Variants in SUGCT observed in about 807,000 individuals in gnomAD.
The protein encoded by SUGCT is succinyl-CoA:glutarate-CoA transferase, also known as succinyl-CoA:glutarate CoA-transferase.
SUGCT carries 41 observed loss-of-function variants against 55.0 expected under a neutral mutation model. The ratio of observed to expected loss-of-function variants is 0.74; its 90% CI spans 0.58 to 0.97. The LOEUF (loss-of-function observed/expected upper bound fraction) is 0.97. Ranked by LOEUF, SUGCT falls within the 50% of genes least tolerant of loss-of-function variation. The pLI, the probability that SUGCT is intolerant of heterozygous loss-of-function variation, is 0.00. For missense variants in SUGCT, 568 were observed against 547.8 expected (o/e 1.04, Z -0.37); for synonymous variants, 187 against 200.4 (o/e 0.93, Z 0.56).
intron 1 of SUGCT, among the ~76,000 whole-genome samples, chr7:40,178,708 C>G (rs1187594353): frequency 6.6e-6 from 1 of 152,090 alleles, no homozygotes; most frequent in African/African-American, 2.4e-5. Flanking sequence ...ACAATGATGT[C>G]TTGGTGTGCT....
At chr7:40,564,127 A>T (rs1282909549) in intron 12 of SUGCT, among the ~76,000 whole-genome samples, 4 of 152,214 alleles carry the variant, frequency 2.6e-5, no homozygotes, top group Admixed American at 6.5e-5. Flanking sequence ...TAATCCCAGC[A>T]CTTTGGGAGG....
chr7:40,378,484 T>C (rs1475737107), intron 9 of SUGCT, among the ~76,000 whole-genome samples: 3 of 152,222 alleles, frequency 2.0e-5, no homozygotes, highest in Non-Finnish European at 4.4e-5. Context: ...ATACCTTTTT[T>C]TCTTTTCAGA....
the SUGCT span, among the ~76,000 whole-genome samples, chr7:40,908,099 C>T: frequency 6.6e-6 from 1 of 151,792 alleles, no homozygotes; most frequent in Non-Finnish European, 1.5e-5. Flanking sequence ...ATGGACCGGC[C>T]GGGTGCGGTG....
intron 12 of SUGCT, among the ~76,000 whole-genome samples, chr7:40,515,762 A>G (rs1324063323): frequency 6.6e-6 from 1 of 152,238 alleles, no homozygotes; most frequent in East Asian, 1.9e-4. Flanking sequence ...TACTATGAAT[A>G]GTATGTCTAT....
chr7:40,566,006 C>T (rs1443514669), intron 12 of SUGCT, among the ~76,000 whole-genome samples: 1 of 149,104 alleles, frequency 6.7e-6, no homozygotes, highest in Admixed American at 6.7e-5. Flanking sequence ...CACACACACA[C>T]ACACACACAC....
rs1246512154 is a variant in SUGCT at position 40,364,611 on chromosome 7, ATTCTT to A, written c.816+47763_816+47767del. Among the ~76,000 whole-genome samples, 4 of 152,126 alleles carry A rather than the reference ATTCTT, an allele frequency of 2.6e-5. No individual in the cohort carries two copies. In the East Asian group the frequency reaches 7.7e-4, roughly 29 times the overall value. On this transcript the variant is annotated intron_variant, in intron 9 of 13. Coordinates refer to ENST00000335693, the MANE Select transcript of SUGCT (RefSeq NM_001193313.2). ...GTGGATATGAAATTCTGGGTTGAAA[ATTCTT>A]TTCTTTAAGAATGTTGAATATTGGC...
chr7:40,895,327 G>A, the SUGCT span, among the ~76,000 whole-genome samples: 2 of 151,988 alleles, frequency 1.3e-5, no homozygotes, highest in South Asian at 4.2e-4. Context: ...GAGGGTGGGA[G>A]GAGGGAGAGG....
intron 9 of SUGCT, among the ~76,000 whole-genome samples, chr7:40,431,692 T>A (rs535781370): frequency 5.4e-4 from 83 of 152,330 alleles, no homozygotes; most frequent in African/African-American, 1.9e-3. Context: ...TTGTTTTTCA[T>A]GTTATTGTAA....
intron 10 of SUGCT, among the ~76,000 whole-genome samples, chr7:40,453,338 G>C (rs1281128413): frequency 6.6e-6 from 1 of 152,184 alleles, no homozygotes; most frequent in African/African-American, 2.4e-5. Flanking sequence ...CCATGCTGGG[G>C]AGTGGGATAA....
intron 13 of SUGCT, among the ~76,000 whole-genome samples, chr7:40,768,768 A>C (rs1420715168): frequency 5.9e-5 from 9 of 152,166 alleles, no homozygotes; most frequent in Admixed American, 5.9e-4. Context: ...TAAAACACTT[A>C]ATTTGTTTAT....
intron 12 of SUGCT, among the ~76,000 whole-genome samples, chr7:40,546,174 G>T (rs575057596): frequency 2.0e-5 from 3 of 152,294 alleles, no homozygotes; most frequent in African/African-American, 7.2e-5. Context: ...AATGGGAAAA[G>T]AATTCACACG....
chr7:40,991,578 G>T, the SUGCT span, among the ~76,000 whole-genome samples: 1 of 152,152 alleles, frequency 6.6e-6, no homozygotes, highest in South Asian at 2.1e-4. Context: ...ATAAAGTGAA[G>T]TATGCCTCTA....
chr7:40,213,788 T>C (rs1787475872), intron 6 of SUGCT, among the ~76,000 whole-genome samples: 2 of 152,216 alleles, frequency 1.3e-5, no homozygotes, highest in African/African-American at 4.8e-5. Context: ...ATATTATTGT[T>C]TTTTGTTTTG....
Position 40,230,726 on chromosome 7 carries a change from C to A in SUGCT, c.485-6909C>A, listed in dbSNP as rs557820145. The stretch of plus-strand genomic sequence containing the variant: ...GAATGTGACTTAAGTGGGATAACTT[C>A]TTCTTAGGGGTTGTCAGCTTGCATT... On this transcript the variant is annotated intron_variant, in intron 6 of 13. Coordinates refer to ENST00000335693, the MANE Select transcript of SUGCT (RefSeq NM_001193313.2). 2.6e-5 allele frequency among the ~76,000 whole-genome samples: 4 copies of A among 152,258 alleles called. No homozygotes were observed. In the South Asian group the frequency reaches 8.3e-4, roughly 32 times the overall value.
intron 12 of SUGCT, among the ~76,000 whole-genome samples, chr7:40,676,894 CGTGTGTGTGTGTGTGTGTGTGT>C (rs3221667): frequency 2.1e-5 from 3 of 143,972 alleles, no homozygotes; most frequent in Admixed American, 7.0e-5. Flanking sequence ...TTCAGAATGA[CGTGTGTGTGTGTGTGTGTGTGT>C]GTGTGTGTGT....
chr7:40,682,763 AAGG>A (rs770861603), intron 12 of SUGCT, among the ~76,000 whole-genome samples: 180 of 150,528 alleles, frequency 1.2e-3, no homozygotes, highest in South Asian at 2.4e-3. Context: ...CTCTGGGAAG[AAGG>A]AGAAGAGTTA....
intron 11 of SUGCT, among the ~76,000 whole-genome samples, chr7:40,464,966 A>G (rs1790022519): frequency 6.6e-6 from 1 of 152,212 alleles, no homozygotes; most frequent in South Asian, 2.1e-4. Context: ...GATGCAGTTG[A>G]CAATTTTCAA....
intron 8 of SUGCT, among the ~76,000 whole-genome samples, chr7:40,288,471 A>G (rs1434607355): frequency 6.6e-6 from 1 of 152,136 alleles, no homozygotes; most frequent in Non-Finnish European, 1.5e-5. Flanking sequence ...TGCCGGTCTT[A>G]TTAAAATTCA....
chr7:40,541,099 G>A (rs761328760), intron 12 of SUGCT, among the ~76,000 whole-genome samples: 2 of 152,154 alleles, frequency 1.3e-5, no homozygotes, highest in African/African-American at 4.8e-5. Context: ...GGAAAGATAA[G>A]CATTTTAATT....
Sources: allele counts gnomAD v4.1 joint callset (sites outside exome capture counted in the v4.1 genomes callset), GRCh38; gene constraint gnomAD v4.1.1; transcripts MANE v1.5; gene names NCBI Gene and HGNC (gene_info 2026-07-23, HGNC 2026-07-21).